Variants in ERCC6L2 observed in about 807,000 individuals in gnomAD.
ERCC6L2 encodes the protein ERCC excision repair 6 like 2, also known as DNA excision repair protein ERCC-6-like 2.
A neutral mutation model predicts 132.0 loss-of-function variants in ERCC6L2; 77 were observed. The ratio of observed to expected loss-of-function variants is 0.58; its 90% CI spans 0.49 to 0.71. The LOEUF (loss-of-function observed/expected upper bound fraction) is 0.71. Ranked by LOEUF, ERCC6L2 falls within the 30% of genes least tolerant of loss-of-function variation. ERCC6L2 has a pLI of 0.00. For synonymous variants in ERCC6L2, 583 were observed against 632.4 expected (o/e 0.92, Z 1.17); for missense variants, 1,542 against 1,837.6 (o/e 0.84, Z 2.94).
At chr9:95,898,176 A>G (rs1828567114) in intron 3 of ERCC6L2, among the ~76,000 whole-genome samples, 1 of 152,118 alleles carries the variant, frequency 6.6e-6, no homozygotes, top group Non-Finnish European at 1.5e-5. Context: ...ATTGACTGTC[A>G]TGGCAAAACA....
At chr9:96,030,400 G>C (rs964911290) in intron 19 of ERCC6L2, among the ~76,000 whole-genome samples, 1 of 152,032 alleles carries the variant, frequency 6.6e-6, no homozygotes. Context: ...TCACTCTTTG[G>C]GTCCGTGCCA....
chr9:96,000,169 G>A (rs1416302379), intron 17 of ERCC6L2, among the ~76,000 whole-genome samples: 1 of 152,096 alleles, frequency 6.6e-6, no homozygotes, highest in African/African-American at 2.4e-5. Context: ...TTACAGGTGT[G>A]AGCCACCGCG....
chr9:95,953,878 T>C (rs1831466996), intron 12 of ERCC6L2, among the ~76,000 whole-genome samples: 2 of 152,174 alleles, frequency 1.3e-5, no homozygotes, highest in South Asian at 4.1e-4. Context: ...AAAGGCCATC[T>C]AACCAATAAC....
intron 17 of ERCC6L2, among the ~76,000 whole-genome samples, chr9:95,979,258 A>G (rs541622042): frequency 6.6e-6 from 1 of 152,268 alleles, no homozygotes; most frequent in South Asian, 2.1e-4. Flanking sequence ...CAATGACTGA[A>G]TGCCTAGCTG....
At chr9:95,903,765 G>T (rs1309259189) in intron 3 of ERCC6L2, among the ~76,000 whole-genome samples, 1 of 152,020 alleles carries the variant, frequency 6.6e-6, no homozygotes, top group African/African-American at 2.4e-5. Context: ...CACATGGGAA[G>T]AAGTGTGATA....
chr9:96,040,056 T>TA (rs71368224), intron 20 of ERCC6L2, among the ~76,000 whole-genome samples: 86,810 of 147,278 alleles, frequency 0.59, 26,036 homozygotes, highest in East Asian at 0.78. Context: ...CATCTCTAAT[T>TA]AAAAAAAAAA....
chr9:95,893,454 C>G lies in ERCC6L2; in HGVS notation c.472-4395C>G, dbSNP rs923190598. ...TTGTCAGGTTTTCTTATCAAAGTTA[C>G]GCTGAACTCATAAAACGAGGTCACA... On this transcript the variant is annotated intron_variant, in intron 2 of 18. Coordinates refer to ENST00000653738, the MANE Select transcript of ERCC6L2 (RefSeq NM_020207.7). 2.6e-5 allele frequency among the ~76,000 whole-genome samples: 4 copies of G among 152,110 alleles called. No homozygotes were observed. The East Asian group carries it at 5.8e-4, about 22-fold the overall frequency.
rs191822248 is a variant in ERCC6L2 at position 95,907,463 on chromosome 9, C to A, written c.788+192C>A. On this transcript the variant is annotated intron_variant, in intron 4 of 18. Coordinates refer to ENST00000653738, the MANE Select transcript of ERCC6L2 (RefSeq NM_020207.7). ...CAGGCAATCCACCCACCTCAGCCTT[C>A]CAAAGTGCTAGGATTATAGGTGTGA... Among the ~76,000 whole-genome samples, 44 of 150,894 alleles carry A rather than the reference C, an allele frequency of 2.9e-4. No homozygotes were observed. The East Asian group carries it at 8.1e-3, about 28-fold the overall frequency.
Position 96,013,244 on chromosome 9 carries a change from A to G in ERCC6L2, c.*41A>G, listed in dbSNP as rs1348556867. ...ACTGCACCAGTAAACTGCTGCCATC[A>G]CTGTTTACGGCACTGGATTCCACAC... On this transcript the variant is annotated 3_prime_UTR_variant, in exon 19 of 19. Transcript: ENST00000653738. 2 of 1,304,408 alleles carry G rather than the reference A, an allele frequency of 1.5e-6. No individual in the cohort carries two copies. The highest frequency in any genetic ancestry group is 1.0e-6 in the Non-Finnish European group (1 of 990,950). The allele number at this position is 1,304,408 out of a possible 1,614,324, so 80.8% of individuals were successfully genotyped here.
intron 13 of ERCC6L2, among the ~76,000 whole-genome samples, chr9:95,963,504 G>A (rs561116945): frequency 1.3e-5 from 2 of 151,954 alleles, no homozygotes; most frequent in East Asian, 1.9e-4. Context: ...TTGTATATAC[G>A]GTTCTACAAC....
chr9:96,006,712 T>G (rs954842370), intron 18 of ERCC6L2, among the ~76,000 whole-genome samples: 1 of 152,086 alleles, frequency 6.6e-6, no homozygotes, highest in Admixed American at 6.5e-5. Flanking sequence ...CAGGCCACGC[T>G]CTGGCCTTTG....
chr9:95,902,082 G>T (rs62562961), intron 3 of ERCC6L2, among the ~76,000 whole-genome samples: 14,149 of 152,100 alleles, frequency 0.093, 757 homozygotes, highest in Admixed American at 0.14. Context: ...GGAGTGGTGG[G>T]TCTAAGGTAT....
In ERCC6L2 at chr9:96,012,796, C is replaced by G. The variant is rs1355426492; in HGVS notation, c.4246C>G (p.Pro1416Ala). 7.3e-7 allele frequency: 1 copy of G among 1,367,524 alleles called. No individual in the cohort carries two copies. Among genetic ancestry groups the G allele is most frequent in the East Asian group, 4.5e-5 (1 of 21,998 alleles). The allele number at this position is 1,367,524 out of a possible 1,614,324, so 84.7% of individuals were successfully genotyped here. ...AAGAACGGGCATTTCAAGAAAAGAA[C>G]CCCTTCTCAAATTGGAAAACAAAAA... ...LTRTGISRKE[P>A]LLKLENKKIE... The change falls in exon 19 of 19, where the codon CCC (proline) becomes GCC (alanine). Residue 1416 changes from proline (P) to alanine (A), a missense_variant. Around this residue, in one of 4 missense-constraint regions of ERCC6L2, gnomAD observed 442 missense variants for 583.4 expected, o/e 0.76. Transcript: ENST00000653738.
At position 95,972,928 on chromosome 9, in the gene ERCC6L2, C is replaced by G. The variant is rs1414974920; in HGVS notation, c.3177C>G (p.Ser1059Arg). 7.7e-7 allele frequency: 1 copy of G among 1,306,920 alleles called. No homozygotes were observed. The highest frequency in any genetic ancestry group is 1.0e-6 in the Non-Finnish European group (1 of 989,784). The allele number at this position is 1,306,920 out of a possible 1,614,324, so 81.0% of individuals were successfully genotyped here. ...GCCACTTCAGTTTCTCTAAACAGAG[C>G]CACAGACCAAGAACTATAAGAGACA... ...SVSHFSFSKQ[S>R]HRPRTIRDRT... Residue 1059 changes from serine to arginine, a missense_variant, in exon 16 of 19, where the codon AGC (serine) becomes AGG (arginine). Ser to Arg is a moderately radical substitution (Grantham distance 110). This residue lies in a region of ERCC6L2 where 945 missense variants were observed against 1,105.2 expected (regional missense o/e 0.86). Coordinates refer to ENST00000653738, the MANE Select transcript of ERCC6L2 (RefSeq NM_020207.7).
intron 16 of ERCC6L2, among the ~76,000 whole-genome samples, chr9:95,974,056 A>G (rs1832553461): frequency 6.6e-6 from 1 of 152,198 alleles, no homozygotes; most frequent in African/African-American, 2.4e-5. Flanking sequence ...GTTAGTGTTT[A>G]ACAAGACTAT....
chr9:96,018,652 T>A (rs997412211), downstream of ERCC6L2, among the ~76,000 whole-genome samples: 6 of 144,172 alleles, frequency 4.2e-5, no homozygotes, highest in Non-Finnish European at 7.6e-5. Flanking sequence ...TTTTTTTTTT[T>A]AGAGACAGGG....
intron 17 of ERCC6L2, among the ~76,000 whole-genome samples, chr9:95,988,197 TA>T (rs1296787770): frequency 6.6e-6 from 1 of 152,266 alleles, no homozygotes; most frequent in Non-Finnish European, 1.5e-5. Flanking sequence ...AAAATGTGAA[TA>T]ATTATTCTAA....
Position 95,972,491 on chromosome 9 carries a change from T to A in ERCC6L2, c.2740T>A (p.Phe914Ile). 7.8e-7 allele frequency: 1 copy of A among 1,289,660 alleles called. No homozygotes were observed. The highest frequency in any genetic ancestry group is 1.0e-6 in the Non-Finnish European group (1 of 988,708). The allele number at this position is 1,289,660 out of a possible 1,614,324, so 79.9% of individuals were successfully genotyped here. The change falls in exon 16 of 19, where the codon TTC becomes ATC. Residue 914 changes from phenylalanine to isoleucine, a missense_variant. Around this residue, in one of 4 missense-constraint regions of ERCC6L2, gnomAD observed 945 missense variants for 1,105.2 expected, o/e 0.86. Coordinates refer to ENST00000653738, the MANE Select transcript of ERCC6L2 (RefSeq NM_020207.7). ...ICPTQYTTERFPDNSIRFKPP... is the reference protein window; with the variant it reads ...ICPTQYTTERIPDNSIRFKPP... ...TCCTACACAATACACAACTGAGAGA[T>A]TCCCCGACAATAGTATAAGGTTTAA... is the stretch of plus-strand genomic sequence containing the variant.
rs1186546893 is a variant in ERCC6L2, at chr9:95,913,238, TA to T, written c.789-2429del. Among the ~76,000 whole-genome samples the T allele has an allele frequency of 5.9e-5, 9 of 152,318 alleles. No homozygotes were observed. The East Asian group carries it at 1.5e-3, about 26-fold the overall frequency. ...TGGCAAAATAATATTTTTCTAATTT[TA>T]TTATTTCTTTTCTACACATTAATTA... On this transcript the variant is annotated intron_variant, in intron 4 of 18. Coordinates refer to ENST00000653738, the MANE Select transcript of ERCC6L2 (RefSeq NM_020207.7).
Sources: gnomAD v4.1 joint callset for allele counts (sites outside exome capture counted in the v4.1 genomes callset) on GRCh38, gnomAD v4.1.1 for gene constraint, gnomAD v4.1.1 regional missense constraint, MANE v1.5 for transcripts, NCBI Gene and HGNC (gene_info 2026-07-23, HGNC 2026-07-21) for gene names.